Variants in MYO16 observed in about 807,000 individuals in gnomAD.
MYO16 encodes unconventional myosin-XVI.
Under a neutral mutation model 205.3 loss-of-function variants are expected in MYO16, and 94 were observed. That is an observed-to-expected ratio of 0.46 (90% CI 0.39 to 0.54). The LOEUF (loss-of-function observed/expected upper bound fraction) is 0.54, where lower values mean the gene tolerates loss of function less well. MYO16 is among the 20% of genes least tolerant of loss of function. The pLI is 0.00. For missense variants in MYO16, 2,315 were observed against 2,387.5 expected, an observed-to-expected ratio of 0.97 and a Z score of 0.63; for synonymous variants, 988 against 954.0, an observed-to-expected ratio of 1.04 and a Z score of -0.66.
intron 1 of MYO16, among the ~76,000 whole-genome samples, chr13:108,601,006 G>T (rs11838662): frequency 6.6e-6 from 1 of 151,950 alleles, no homozygotes; most frequent in Non-Finnish European, 1.5e-5. Context: ...AGTAATCCCA[G>T]GTCCTTTTTA....
chr13:109,076,027 T>C (rs1288794935), intron 27 of MYO16, among the ~76,000 whole-genome samples: 1 of 152,214 alleles, frequency 6.6e-6, no homozygotes, highest in East Asian at 1.9e-4. Context: ...GGAATTGGTC[T>C]ATTTCATCTT....
At chr13:108,755,338 T>A (rs1003560313) in intron 4 of MYO16, among the ~76,000 whole-genome samples, 1 of 152,130 alleles carries the variant, frequency 6.6e-6, no homozygotes, top group African/African-American at 2.4e-5. Flanking sequence ...TTTTGCTGAA[T>A]AAGTAAATGT....
intron 29 of MYO16, among the ~76,000 whole-genome samples, chr13:109,124,006 G>A (rs1876120747): frequency 6.6e-6 from 1 of 152,098 alleles, no homozygotes. Context: ...AATTGGGAGA[G>A]ACAGAATCAC....
At chr13:108,583,286 G>A in the MYO16 span, among the ~76,000 whole-genome samples, 4 of 152,244 alleles carry the variant, frequency 2.6e-5, no homozygotes, top group Non-Finnish European at 5.9e-5. Context: ...GAACATATCC[G>A]TAAATCATGC....
At chr13:109,200,340 T>G (rs2139969153) in intron 34 of MYO16, among the ~76,000 whole-genome samples, 1 of 152,334 alleles carries the variant, frequency 6.6e-6, no homozygotes, top group South Asian at 2.1e-4. Flanking sequence ...TAGCTATTAA[T>G]GTCTGTAATA....
intron 27 of MYO16, among the ~76,000 whole-genome samples, chr13:109,076,345 A>G (rs1015382146): frequency 3.3e-5 from 5 of 152,118 alleles, no homozygotes; most frequent in African/African-American, 1.2e-4. Flanking sequence ...AGCTTAGATT[A>G]GTGATAGGAA....
chr13:109,009,072 T>A (rs1885505481), intron 22 of MYO16, 23 bp downstream of exon 22: 1 of 1,547,398 alleles, frequency 6.5e-7, no homozygotes, highest in Non-Finnish European at 8.7e-7. Flanking sequence ...TATAATTAGA[T>A]ACTTAACAGG....
intron 21 of MYO16, among the ~76,000 whole-genome samples, chr13:108,997,296 G>GAA (rs1478039185): frequency 2.1e-4 from 1 of 4,652 alleles, no homozygotes; most frequent in African/African-American, 3.0e-4. Flanking sequence ...CATGCAGAAA[G>GAA]AAAGAAAGAA....
At chr13:108,834,638 A>ACTCTCTCT (rs67472762) in intron 9 of MYO16, among the ~76,000 whole-genome samples, 17 of 90,346 alleles carry the variant, frequency 1.9e-4, no homozygotes, top group African/African-American at 5.9e-4. Context: ...TCAGTCTTGT[A>ACTCTCTCT]CTCTCTCTCT....
rs780061464 is a variant in MYO16 at position 109,165,009 on chromosome 13, A to T, written c.5273A>T (p.Asn1758Ile). 1.2e-6 allele frequency: 2 copies of T among 1,603,396 alleles called. No individual in the cohort carries two copies. The highest frequency in any genetic ancestry group is 1.7e-6 in the Non-Finnish European group (2 of 1,175,416). Residue 1758 changes from asparagine (N) to isoleucine (I), a missense_variant, in exon 33 of 35, where the codon AAT becomes ATT. Coordinates refer to ENST00000457511, the MANE Select transcript of MYO16 (RefSeq NM_001198950.3). ...AATAACCATGGAATTCAGTTATCTA[A>T]TTCACTATCTAGTGCTATAACTGCT... ...NANNHGIQLSNSLSSAITAEN... is the reference protein window; with the variant it reads ...NANNHGIQLSISLSSAITAEN...
At chr13:108,949,880 TCA>T (rs2139336458) in intron 16 of MYO16, among the ~76,000 whole-genome samples, 1 of 151,704 alleles carries the variant, frequency 6.6e-6, no homozygotes, top group East Asian at 1.9e-4. Context: ...ACAAATATAC[TCA>T]CACACCAAAA....
chr13:108,543,629 G>C, the MYO16 span, among the ~76,000 whole-genome samples: 3 of 135,494 alleles, frequency 2.2e-5, no homozygotes, highest in African/African-American at 8.4e-5. Context: ...GCGACAGAGC[G>C]AGCCTCCCTC....
intron 32 of MYO16, among the ~76,000 whole-genome samples, chr13:109,160,721 A>G (rs1403327388): frequency 1.1e-4 from 17 of 152,226 alleles, no homozygotes; most frequent in Admixed American, 1.1e-3. Context: ...ACTTTTCTTC[A>G]TTCTCAGAAC....
At chr13:108,825,577 G>GA (rs1335692349) in intron 9 of MYO16, among the ~76,000 whole-genome samples, 9 of 103,870 alleles carry the variant, frequency 8.7e-5, no homozygotes, top group Non-Finnish European at 2.1e-5. Context: ...AACCTAGCAA[G>GA]AAAATAAATA....
chr13:108,791,191 G>A (rs1886606260), intron 5 of MYO16, among the ~76,000 whole-genome samples: 1 of 152,160 alleles, frequency 6.6e-6, no homozygotes, highest in African/African-American at 2.4e-5. Context: ...AAAATGGCAT[G>A]TCCATGATTC....
At chr13:108,748,351 C>T (rs149729) in intron 4 of MYO16, among the ~76,000 whole-genome samples, 52 of 152,054 alleles carry the variant, frequency 3.4e-4, no homozygotes, top group Admixed American at 9.8e-4. Context: ...GATGCAGCAA[C>T]ATCAAAGCTT....
chr13:109,084,296 A>G (rs950865599), intron 27 of MYO16, among the ~76,000 whole-genome samples: 3 of 152,200 alleles, frequency 2.0e-5, no homozygotes, highest in African/African-American at 7.2e-5. Context: ...TCTGTTCCCT[A>G]TACATGGAAT....
upstream of MYO16, among the ~76,000 whole-genome samples, chr13:108,624,805 G>A (rs1161175716): frequency 6.6e-6 from 1 of 151,654 alleles, no homozygotes; most frequent in South Asian, 2.1e-4. Context: ...GTGTGTGTGT[G>A]TGTGTGTGTG....
chr13:108,897,958 C>T (rs1880510753), intron 14 of MYO16, 58 bp from the exon 15 acceptor site: 1 of 1,302,608 alleles, frequency 7.7e-7, no homozygotes, highest in Non-Finnish European at 1.1e-6. Flanking sequence ...CGCTATTACT[C>T]ATCAATTTTA....
Sources: allele counts gnomAD v4.1 joint callset (sites outside exome capture counted in the v4.1 genomes callset), GRCh38; gene constraint gnomAD v4.1.1; transcripts MANE v1.5; gene names NCBI Gene and HGNC (gene_info 2026-07-23, HGNC 2026-07-21).